The following TFEC variants were observed in gnomAD, a reference collection of about 807,000 sequenced individuals.
TFEC encodes the protein transcription factor EC, also known as class E basic helix-loop-helix protein 34.
Under a neutral mutation model 41.6 loss-of-function variants are expected in TFEC, and 31 were observed. The observed-to-expected ratio is 0.74, with a 90% CI of 0.56 to 1.01. The LOEUF (loss-of-function observed/expected upper bound fraction) is 1.01, where lower values mean the gene tolerates loss of function less well. TFEC is among the 50% of genes least tolerant of loss of function. The pLI is 0.00. For missense variants in TFEC, 402 were observed against 404.1 expected (o/e 0.99, Z 0.04); for synonymous variants, 143 against 140.6 (o/e 1.02, Z -0.12).
chr7:116,123,960 A>C (rs528737489), intron 1 of TFEC, among the ~76,000 whole-genome samples: 38 of 152,282 alleles, frequency 2.5e-4, no homozygotes, highest in African/African-American at 8.7e-4. Flanking sequence ...ACTGATATAG[A>C]AATGGATAGA....
chr7:116,028,828 C>CA (rs1795681889), intron 1 of TFEC, among the ~76,000 whole-genome samples: 1 of 152,164 alleles, frequency 6.6e-6, no homozygotes, highest in Non-Finnish European at 1.5e-5. Context: ...TTATCTAAAA[C>CA]CATTGTGTAA....
chr7:116,135,166 G>A (rs572069778), intron 1 of TFEC, among the ~76,000 whole-genome samples: 1 of 152,134 alleles, frequency 6.6e-6, no homozygotes, highest in South Asian at 2.1e-4. Context: ...TTCACCTGGA[G>A]CAATGAAAAC....
chr7:116,045,623 C>T (rs1796145187), intron 3 of TFEC, among the ~76,000 whole-genome samples: 1 of 152,234 alleles, frequency 6.6e-6, no homozygotes, highest in Admixed American at 6.5e-5. Flanking sequence ...GGGCAGGGCC[C>T]TCAAGGAGAA....
intron 1 of TFEC, among the ~76,000 whole-genome samples, chr7:115,992,637 T>A (rs1285253079): frequency 6.6e-6 from 1 of 152,034 alleles, no homozygotes; most frequent in Non-Finnish European, 1.5e-5. Context: ...ACATACAACC[T>A]CCCAAGACTA....
At chr7:115,984,788 T>A (rs929787740) in intron 1 of TFEC, among the ~76,000 whole-genome samples, 7 of 152,140 alleles carry the variant, frequency 4.6e-5, no homozygotes, top group African/African-American at 1.7e-4. Context: ...AAAACCACAA[T>A]ATTTTTTGAG....
At chr7:115,996,303 T>TCATGG (rs762543169) in intron 1 of TFEC, among the ~76,000 whole-genome samples, 17 of 151,970 alleles carry the variant, frequency 1.1e-4, no homozygotes, top group Admixed American at 6.5e-4. Context: ...AGAGCCTAGC[T>TCATGG]CATGGCCATT....
At chr7:116,018,997 T>C (rs1201284444) in intron 1 of TFEC, among the ~76,000 whole-genome samples, 1 of 152,078 alleles carries the variant, frequency 6.6e-6, no homozygotes, top group Non-Finnish European at 1.5e-5. Context: ...TAAGAACTGA[T>C]TTAATCATCA....
chr7:115,993,686 CA>C (rs1794227104), intron 1 of TFEC, among the ~76,000 whole-genome samples: 2 of 152,104 alleles, frequency 1.3e-5, no homozygotes, highest in South Asian at 4.1e-4. Context: ...AACTACAAAC[CA>C]CTGCTCCATG....
At position 115,938,538 on chromosome 7, in the gene TFEC, C is replaced by A. The variant is rs932133815; in HGVS notation, c.*2013G>T. ...TTAGTAATTATTTTTCCATGTCAAA[C>A]AATAAAATTATTTTAATTCTCCAAA... On this transcript the variant is annotated 3_prime_UTR_variant, in exon 8 of 8. Coordinates refer to ENST00000265440, the MANE Select transcript of TFEC (RefSeq NM_012252.4). The A allele has an allele frequency of 4.6e-5, 7 of 151,812 alleles. No individual in the cohort carries two copies. Among genetic ancestry groups the A allele is most frequent in the Non-Finnish European group, 1.0e-4 (7 of 67,816 alleles). The allele number at this position is 151,812 out of a possible 1,614,324, so 9.4% of individuals were successfully genotyped here.
At chr7:116,146,683 G>A (rs537528253) in intron 1 of TFEC, among the ~76,000 whole-genome samples, 1 of 152,264 alleles carries the variant, frequency 6.6e-6, no homozygotes, top group East Asian at 1.9e-4. Context: ...AATGCTCTGA[G>A]ATTGGCTCAC....
intron 3 of TFEC, among the ~76,000 whole-genome samples, chr7:116,050,743 T>A (rs1796288934): frequency 6.6e-6 from 1 of 152,196 alleles, no homozygotes. Flanking sequence ...GTGTGGCTAT[T>A]CCTCAAGGAT....
intron 3 of TFEC, among the ~76,000 whole-genome samples, chr7:116,047,445 G>C (rs1487031483): frequency 6.6e-6 from 1 of 152,162 alleles, no homozygotes; most frequent in Non-Finnish European, 1.5e-5. Context: ...TGGCAGTGAG[G>C]CTGGGGGAGG....
rs1390308542 is a variant in TFEC at position 115,938,740 on chromosome 7, TACATCTC to T, written c.*1804_*1810del. The T allele has an allele frequency of 6.6e-6, 1 of 151,950 alleles. No homozygotes were observed. Among genetic ancestry groups the T allele is most frequent in the Non-Finnish European group, 1.5e-5 (1 of 67,940 alleles). The allele number at this position is 151,950 out of a possible 1,614,324, so 9.4% of individuals were successfully genotyped here. ...CCAAAGCTTAATATTCATGAAAGAT[TACATCTC>T]ACTCATTAGTAATATATATTTTAGT... is the stretch of plus-strand genomic sequence containing the variant. On this transcript the variant is annotated 3_prime_UTR_variant, in exon 8 of 8. Coordinates refer to ENST00000265440, the MANE Select transcript of TFEC (RefSeq NM_012252.4).
intron 3 of TFEC, among the ~76,000 whole-genome samples, chr7:116,055,637 GAT>G (rs1223444755): frequency 6.6e-6 from 1 of 151,748 alleles, no homozygotes; most frequent in Non-Finnish European, 1.5e-5. Context: ...AACTTTTAAA[GAT>G]ATCTCACATT....
intron 1 of TFEC, among the ~76,000 whole-genome samples, chr7:116,128,457 G>T (rs2116284472): frequency 6.6e-6 from 1 of 152,108 alleles, no homozygotes; most frequent in East Asian, 1.9e-4. Flanking sequence ...CTGATGCCGG[G>T]GGAAGGTGTG....
intron 3 of TFEC, among the ~76,000 whole-genome samples, chr7:116,093,567 GTTTAAT>G: frequency 6.6e-6 from 1 of 151,890 alleles, no homozygotes; most frequent in East Asian, 1.9e-4. Flanking sequence ...TTCTTTTTTT[GTTTAAT>G]TTTATCACTT....
intron 1 of TFEC, among the ~76,000 whole-genome samples, chr7:116,133,411 G>T (rs1183384585): frequency 6.6e-6 from 1 of 152,044 alleles, no homozygotes; most frequent in Admixed American, 6.5e-5. Flanking sequence ...TTAGCCAGAC[G>T]TGGTGGCGTG....
intron 3 of TFEC, among the ~76,000 whole-genome samples, chr7:116,097,105 GA>G (rs1179442310): frequency 1.3e-5 from 2 of 150,744 alleles, no homozygotes; most frequent in African/African-American, 4.9e-5. Flanking sequence ...AAAAAAGAAA[GA>G]AAGAAAGAAA....
chr7:115,994,952 G>A (rs891486622), intron 1 of TFEC, among the ~76,000 whole-genome samples: 3 of 152,028 alleles, frequency 2.0e-5, no homozygotes, highest in African/African-American at 4.8e-5. Flanking sequence ...CAACCCAAAT[G>A]TCCATCAATG....
Sources: gnomAD v4.1 joint callset for allele counts (sites outside exome capture counted in the v4.1 genomes callset) on GRCh38, gnomAD v4.1.1 for gene constraint, MANE v1.5 for transcripts, NCBI Gene and HGNC (gene_info 2026-07-23, HGNC 2026-07-21) for gene names.